PTPRG: variants seen among roughly 807,000 people sequenced by gnomAD.
PTPRG encodes the protein protein tyrosine phosphatase receptor type G.
Under a neutral mutation model 165.3 loss-of-function variants are expected in PTPRG, and 102 were observed. The ratio of observed to expected loss-of-function variants is 0.62; its 90% CI spans 0.53 to 0.73. PTPRG has a LOEUF of 0.73. Ranked by LOEUF, PTPRG falls within the 30% of genes least tolerant of loss-of-function variation. PTPRG has a pLI of 0.00. For missense variants in PTPRG, 1,866 were observed against 1,861.4 expected, an observed-to-expected ratio of 1.00 and a Z score of -0.05; for synonymous variants, 675 against 669.5, an observed-to-expected ratio of 1.01 and a Z score of -0.13.
intron 3 of PTPRG, among the ~76,000 whole-genome samples, chr3:61,990,978 A>G (rs1190397638): frequency 6.7e-6 from 1 of 149,826 alleles, no homozygotes; most frequent in Non-Finnish European, 1.5e-5. Flanking sequence ...TCTCCAAACC[A>G]TCATTTGAGA....
intron 1 of PTPRG, among the ~76,000 whole-genome samples, chr3:61,702,093 C>G (rs2030996694): frequency 6.6e-6 from 1 of 152,164 alleles, no homozygotes. Context: ...ATTCTCCTGC[C>G]TCAGCCTCTG....
At chr3:62,071,384 G>C (rs954801798) in intron 4 of PTPRG, among the ~76,000 whole-genome samples, 4 of 152,090 alleles carry the variant, frequency 2.6e-5, no homozygotes, top group African/African-American at 9.7e-5. Context: ...AGCAACCAGG[G>C]AGCTGACTTA....
chr3:61,917,139 T>G (rs1426727723), intron 2 of PTPRG, among the ~76,000 whole-genome samples: 1 of 152,128 alleles, frequency 6.6e-6, no homozygotes, highest in Admixed American at 6.6e-5. Context: ...CTGCAGCTGC[T>G]GAGACAATAT....
intron 5 of PTPRG, among the ~76,000 whole-genome samples, chr3:62,083,266 T>TTG (rs1481641629): frequency 6.6e-6 from 1 of 151,194 alleles, no homozygotes; most frequent in Admixed American, 6.6e-5. Context: ...TACTTTTTTT[T>TTG]TTTTCTTCCT....
At chr3:62,291,282 GGAAA>G (rs201706594) in intron 28 of PTPRG, among the ~76,000 whole-genome samples, 1,573 of 152,228 alleles carry the variant, frequency 0.01, 24 homozygotes, top group African/African-American at 0.035. Context: ...CAGCCACTTG[GGAAA>G]GAAATATGGC....
At chr3:61,735,164 C>T (rs1290288995) in intron 1 of PTPRG, among the ~76,000 whole-genome samples, 1 of 152,086 alleles carries the variant, frequency 6.6e-6, no homozygotes, top group Non-Finnish European at 1.5e-5. Context: ...TTAAACAGAC[C>T]TAGAGATAAG....
chr3:62,247,103 T>C (rs1289172501), intron 15 of PTPRG, among the ~76,000 whole-genome samples: 1 of 152,174 alleles, frequency 6.6e-6, no homozygotes, highest in Non-Finnish European at 1.5e-5. Context: ...TAATAATTAT[T>C]GAGCTTTACC....
chr3:62,185,389 C>T (rs1705838073), intron 8 of PTPRG, among the ~76,000 whole-genome samples: 1 of 152,188 alleles, frequency 6.6e-6, no homozygotes, highest in Non-Finnish European at 1.5e-5. Flanking sequence ...GTCTATCAGA[C>T]TTCCCTTTGT....
intron 2 of PTPRG, among the ~76,000 whole-genome samples, chr3:61,925,716 C>G (rs1431886811): frequency 6.6e-6 from 1 of 151,210 alleles, no homozygotes; most frequent in Non-Finnish European, 1.5e-5. Context: ...GCCTTCCAGC[C>G]TGGGTGACAG....
chr3:61,782,548 G>A (rs959015347), intron 2 of PTPRG, among the ~76,000 whole-genome samples: 1 of 152,172 alleles, frequency 6.6e-6, no homozygotes, highest in African/African-American at 2.4e-5. Flanking sequence ...AAAGACGTCT[G>A]GTGTACAGCT....
In PTPRG at chr3:61,679,419, A is replaced by G. The variant is rs146947768; in HGVS notation, c.86-69459A>G. 7.2e-3 allele frequency among the ~76,000 whole-genome samples: 1,093 copies of G among 152,332 alleles called. 12 individuals are homozygous for G. Among genetic ancestry groups the G allele is most frequent in the African/African-American group, 0.024 (1,016 of 41,578 alleles). ...AGCAGCCCGACCAAGAGCCAGGCTTATAAGTCACGGAATGACCCTGGTCAG... is the reference window on the plus strand; with the variant it reads ...AGCAGCCCGACCAAGAGCCAGGCTTGTAAGTCACGGAATGACCCTGGTCAG... On this transcript the variant is annotated intron_variant, in intron 1 of 29. Transcript: ENST00000474889.
At chr3:62,218,800 T>C (rs1350608292) in intron 12 of PTPRG, 51 bp from the exon 13 acceptor site, 1 of 1,568,568 alleles carries the variant, frequency 6.4e-7, no homozygotes, top group African/African-American at 1.4e-5. Context: ...CAATTCTGGC[T>C]CCCACCTCCA....
chr3:62,081,163 AG>A (rs1395340515), intron 5 of PTPRG, among the ~76,000 whole-genome samples: 1 of 151,502 alleles, frequency 6.6e-6, no homozygotes, highest in Non-Finnish European at 1.5e-5. Flanking sequence ...AGGCTGAGGC[AG>A]GAGAATGGCG....
intron 1 of PTPRG, among the ~76,000 whole-genome samples, chr3:61,735,814 G>A (rs1005832231): frequency 6.6e-6 from 1 of 151,958 alleles, no homozygotes; most frequent in Non-Finnish European, 1.5e-5. Flanking sequence ...TTACTTAGAT[G>A]TGCTCACACC....
At chr3:61,645,259 T>C (rs1702167503) in intron 1 of PTPRG, among the ~76,000 whole-genome samples, 1 of 152,342 alleles carries the variant, frequency 6.6e-6, no homozygotes, top group East Asian at 1.9e-4. Context: ...GCTCTCCCAG[T>C]TGGGTTGTGA....
chr3:61,648,806 C>G (rs1237563349), intron 1 of PTPRG, among the ~76,000 whole-genome samples: 1 of 152,234 alleles, frequency 6.6e-6, no homozygotes, highest in Non-Finnish European at 1.5e-5. Context: ...GTGTATATTT[C>G]AAACTCCAAA....
At chr3:61,563,497 C>T (rs1699822632) in intron 1 of PTPRG, among the ~76,000 whole-genome samples, 1 of 152,112 alleles carries the variant, frequency 6.6e-6, no homozygotes. Context: ...GTAGCTGTCC[C>T]TTGGGGTGGA....
chr3:62,267,565 T>G, intron 18 of PTPRG, 73 bp downstream of exon 18: 1 of 1,531,600 alleles, frequency 6.5e-7, no homozygotes, highest in Non-Finnish European at 8.9e-7. Flanking sequence ...TAATATATTT[T>G]AATACTGTAC....
rs180784238 is a variant in PTPRG at position 61,748,820 on chromosome 3, C to T, written c.86-58C>T. 384 of 1,415,176 alleles carry T rather than the reference C, an allele frequency of 2.7e-4. 3 individuals are homozygous for T. In the African/African-American group the frequency reaches 4.3e-3, roughly 16 times the overall value. The allele number at this position is 1,415,176 out of a possible 1,614,324, so 87.7% of individuals were successfully genotyped here. ...CACCCAATGGTGTTCATTTGACACC[C>T]TTCCTGTATCCAGTGGGGTGCTGCC... On this transcript the variant is annotated intron_variant, in intron 1 of 29. Transcript: ENST00000474889.
Sources: allele counts gnomAD v4.1 joint callset (sites outside exome capture counted in the v4.1 genomes callset), GRCh38; gene constraint gnomAD v4.1.1; transcripts MANE v1.5; gene names NCBI Gene and HGNC (gene_info 2026-07-23, HGNC 2026-07-21).